FANCE: variants seen among roughly 807,000 people sequenced by gnomAD.
FANCE encodes Fanconi anemia group E protein.
A neutral mutation model predicts 57.8 loss-of-function variants in FANCE; 42 were observed. That is an observed-to-expected ratio of 0.73 (90% CI 0.57 to 0.94). The LOEUF (loss-of-function observed/expected upper bound fraction) is 0.94. FANCE is among the 40% of genes least tolerant of loss of function. The pLI is 0.00. For synonymous variants in FANCE, 251 were observed against 286.4 expected (o/e 0.88, Z 1.25); for missense variants, 608 against 661.8 (o/e 0.92, Z 0.89).
Position 35,466,816 on chromosome 6 carries a change from T to C in FANCE, c.*471T>C. ...GATCTTCCTGCCTTGGCACCCAAAG[T>C]GTTGAGATTTACAGGTGTGAGCCAC... On this transcript the variant is annotated 3_prime_UTR_variant, in exon 10 of 10. Coordinates refer to ENST00000229769, the MANE Select transcript of FANCE (RefSeq NM_021922.3). 1 of 287,204 alleles carries C rather than the reference T, an allele frequency of 3.5e-6. No individual in the cohort carries two copies. The highest frequency in any genetic ancestry group is 6.6e-6 in the Non-Finnish European group (1 of 150,560). 17.8% of individuals were successfully genotyped at this position (287,204 alleles called of 1,614,324 possible). A position where few individuals can be genotyped will look rare whatever the true frequency, so the allele number is the denominator to read the frequency against.
At chr6:35,452,844 C>T (rs1767166673) in intron 1 of FANCE, 51 bp downstream of exon 1, 1 of 1,278,606 alleles carries the variant, frequency 7.8e-7, no homozygotes, top group Non-Finnish European at 9.9e-7. Flanking sequence ...GGGGGGCTGT[C>T]GGGGGAACGA....
chr6:35,460,082 G>A (rs1479265503), intron 7 of FANCE, among the ~76,000 whole-genome samples: 1 of 136,946 alleles, frequency 7.3e-6, no homozygotes, highest in African/African-American at 2.7e-5. Flanking sequence ...GCTGGTGCCA[G>A]CATCAAGAAG....
Position 35,460,537 on chromosome 6 carries a change from G to T in FANCE, c.1317-15G>T. The T allele has an allele frequency of 6.2e-7, 1 of 1,613,534 alleles. No individual in the cohort carries two copies. The highest frequency in any genetic ancestry group is 2.2e-5 in the East Asian group (1 of 44,874). On this transcript the variant is annotated splice_polypyrimidine_tract_variant and intron_variant, in intron 7 of 9. Transcript: ENST00000229769. ...GGGAGGCCAGGCATTTTTCACTAGGGCCTCTGCTTTGCAGACAGATCTTGG... is the reference window on the plus strand; with the variant it reads ...GGGAGGCCAGGCATTTTTCACTAGGTCCTCTGCTTTGCAGACAGATCTTGG...
Position 35,462,772 on chromosome 6 carries a change from TC to T in FANCE, c.1384-16del. On this transcript the variant is annotated splice_polypyrimidine_tract_variant and intron_variant, in intron 8 of 9. Transcript: ENST00000229769. The stretch of plus-strand genomic sequence containing the variant: ...AGCCTTTCTTGTGATTACTGCTCCA[TC>T]TCCCAATGTGTGCAGGTGGAGATGA... 6.2e-7 allele frequency: 1 copy of T among 1,614,020 alleles called. No individual in the cohort carries two copies. The highest frequency in any genetic ancestry group is 2.2e-5 in the East Asian group (1 of 44,880).
intron 1 of FANCE, among the ~76,000 whole-genome samples, chr6:35,453,486 G>A (rs1031965770): frequency 2.0e-5 from 3 of 151,674 alleles, no homozygotes; most frequent in Admixed American, 6.6e-5. Context: ...AAAAAAAAAA[G>A]AGTACAGTAT....
chr6:35,452,584 C>G lies in FANCE; in HGVS notation c.39C>G (p.Gly13=). 1 of 1,327,758 alleles carries G rather than the reference C, an allele frequency of 7.5e-7. No homozygotes were observed. The highest frequency in any genetic ancestry group is 9.7e-7 in the Non-Finnish European group (1 of 1,035,554). 82.2% of individuals were successfully genotyped at this position (1,327,758 alleles called of 1,614,324 possible). A position where few individuals can be genotyped will look rare whatever the true frequency, so the allele number is the denominator to read the frequency against. The change falls in exon 1 of 10, where the codon GGC becomes GGG. Residue 13 remains glycine (G), a synonymous_variant. Transcript: ENST00000229769. The part of the protein sequence containing the change: ...TPDAGLPGAE[G]VEPAPWAQLE... ...ACGCGGGGCTCCCTGGGGCTGAGGG[C>G]GTGGAGCCGGCGCCCTGGGCGCAGC...
chr6:35,463,255 T>C (rs774386486), intron 9 of FANCE, among the ~76,000 whole-genome samples: 1 of 152,060 alleles, frequency 6.6e-6, no homozygotes, highest in South Asian at 2.1e-4. Context: ...GCTGAGATCA[T>C]GCTACTGCAT....
In FANCE at chr6:35,466,323, C is replaced by T; in HGVS notation, c.1589C>T (p.Ala530Val). The T allele has an allele frequency of 1.2e-6, 2 of 1,613,496 alleles. No individual in the cohort carries two copies. The highest frequency in any genetic ancestry group is 1.7e-6 in the Non-Finnish European group (2 of 1,179,380). The change falls in exon 10 of 10, where the codon GCC becomes GTC. Residue 530 changes from alanine (A) to valine (V), a missense_variant. Ala to Val is a moderately conservative substitution (Grantham distance 64). Coordinates refer to ENST00000229769, the MANE Select transcript of FANCE (RefSeq NM_021922.3). ...TTCCTGAGGAAGTCCCTGAAGGCCG[C>T]CTTGAAACATTTGGGCCCCTGACCA... ...TTFLRKSLKA[A>V]LKHLGP is the part of the protein sequence containing the mutation.
chr6:35,464,473 G>A (rs1238874152), intron 9 of FANCE, among the ~76,000 whole-genome samples: 2 of 151,648 alleles, frequency 1.3e-5, no homozygotes, highest in African/African-American at 4.8e-5. Context: ...TCCTGACCTT[G>A]TGATCTGTCC....
At chr6:35,457,875 T>A in intron 3 of FANCE, 41 bp from the exon 4 acceptor site, 1 of 1,578,276 alleles carries the variant, frequency 6.3e-7, no homozygotes, top group Non-Finnish European at 8.7e-7. Flanking sequence ...GACTTGTCAC[T>A]GAGGGCTCTG....
rs966158757 is a variant in FANCE, at chr6:35,466,713, T to C, written c.*368T>C. 8.3e-5 allele frequency: 33 copies of C among 398,940 alleles called. No homozygotes were observed. Among genetic ancestry groups the C allele is most frequent in the African/African-American group, 5.7e-4 (28 of 49,442 alleles). The allele number at this position is 398,940 out of a possible 1,614,324, so 24.7% of individuals were successfully genotyped here. A position where few individuals can be genotyped will look rare whatever the true frequency, so the allele number is the denominator to read the frequency against. ...CCAAGTAGCTGGGACTACATGCACA[T>C]GACACTATGCCCAGCTAATTTTTTA... On this transcript the variant is annotated 3_prime_UTR_variant, in exon 10 of 10. Coordinates refer to ENST00000229769, the MANE Select transcript of FANCE (RefSeq NM_021922.3).
chr6:35,462,108 A>AT (rs1162915298), intron 8 of FANCE, among the ~76,000 whole-genome samples: 6 of 125,266 alleles, frequency 4.8e-5, no homozygotes, highest in South Asian at 2.3e-4. Flanking sequence ...AATAATAATA[A>AT]TAATTATTAT....
Position 35,466,729 on chromosome 6 carries a change from T to A in FANCE, c.*384T>A. 2.7e-6 allele frequency: 1 copy of A among 364,406 alleles called. No homozygotes were observed. The highest frequency in any genetic ancestry group is 3.1e-5 in the South Asian group (1 of 32,420). 22.6% of individuals were successfully genotyped at this position (364,406 alleles called of 1,614,324 possible). A position where few individuals can be genotyped will look rare whatever the true frequency, so the allele number is the denominator to read the frequency against. On this transcript the variant is annotated 3_prime_UTR_variant, in exon 10 of 10. Coordinates refer to ENST00000229769, the MANE Select transcript of FANCE (RefSeq NM_021922.3). ...ACATGCACATGACACTATGCCCAGC[T>A]AATTTTTTATTTTGTAGATAATATG...
chr6:35,459,371 C>T lies in FANCE; in HGVS notation c.1154C>T (p.Thr385Ile), dbSNP rs1767493291. Reference sequence around the variant, plus strand: ...TCCTCAGCCTCCCGCCTGCTTACAACTGCCCTGACCTCCTTCTGTGCCAAA... The same window carrying T: ...TCCTCAGCCTCCCGCCTGCTTACAATTGCCCTGACCTCCTTCTGTGCCAAA... ...LTSSASRLLTTALTSFCAKYT... is the reference protein window; with the variant it reads ...LTSSASRLLTIALTSFCAKYT... The change falls in exon 6 of 10, where the codon ACT becomes ATT. Residue 385 changes from threonine (T) to isoleucine (I), a missense_variant. Thr to Ile is a moderately conservative substitution (Grantham distance 89). Transcript: ENST00000229769. The T allele has an allele frequency of 1.2e-6, 2 of 1,614,070 alleles. No homozygotes were observed. Among genetic ancestry groups the T allele is most frequent in the Non-Finnish European group, 1.7e-6 (2 of 1,180,052 alleles).
At chr6:35,466,124 G>A in intron 9 of FANCE, 120 bp from the exon 10 acceptor site, 1 of 753,100 alleles carries the variant, frequency 1.3e-6, no homozygotes, top group East Asian at 2.5e-5. Context: ...AGATTGCTCA[G>A]GAGTCTCCTC....
rs1767364963 is a variant in FANCE, at chr6:35,456,891, G to T, written c.855+538G>T. Reference sequence around the variant, plus strand: ...TGTGTCCTAATGATCTATAATGTGGGGTTAAAGGGTGCCAGGCAAGGGAGA... The same window carrying T: ...TGTGTCCTAATGATCTATAATGTGGTGTTAAAGGGTGCCAGGCAAGGGAGA... On this transcript the variant is annotated intron_variant, in intron 2 of 9. Transcript: ENST00000229769. This position sits in a 1 kb window ranked among gnomAD's most constrained non-coding sequence, Gnocchi z 4.3. 6.6e-6 allele frequency among the ~76,000 whole-genome samples: 1 copy of T among 152,142 alleles called. No homozygotes were observed.
At chr6:35,458,064 C>T (rs1767421096) in intron 4 of FANCE, 80 bp downstream of exon 4, 11 of 1,415,730 alleles carry the variant, frequency 7.8e-6, no homozygotes, top group South Asian at 1.2e-5. Flanking sequence ...TGTTTTCCTA[C>T]CTCATGTGGG....
chr6:35,455,453 G>A (rs745427427), intron 1 of FANCE, among the ~76,000 whole-genome samples: 3 of 151,928 alleles, frequency 2.0e-5, no homozygotes, highest in Non-Finnish European at 4.4e-5. Flanking sequence ...AACTACAGGC[G>A]CATGCCACCA....
intron 8 of FANCE, among the ~76,000 whole-genome samples, chr6:35,460,937 T>A (rs1451131766): frequency 6.6e-6 from 1 of 150,648 alleles, no homozygotes; most frequent in African/African-American, 2.5e-5. Flanking sequence ...TTTTTTTTTT[T>A]AGATAGAGTC....
Sources: allele counts gnomAD v4.1 joint callset (sites outside exome capture counted in the v4.1 genomes callset), GRCh38; gene constraint gnomAD v4.1.1; non-coding constraint Gnocchi (gnomAD v3.1); transcripts MANE v1.5; gene names NCBI Gene and HGNC (gene_info 2026-07-23, HGNC 2026-07-21).